Variants in FTO observed in about 807,000 individuals in gnomAD.
FTO encodes the protein alpha-ketoglutarate-dependent dioxygenase FTO.
A neutral mutation model predicts 63.9 loss-of-function variants in FTO; 47 were observed. That is an observed-to-expected ratio of 0.74 (90% CI 0.58 to 0.94). The LOEUF (loss-of-function observed/expected upper bound fraction) is 0.94. Ranked by LOEUF, FTO falls within the 40% of genes least tolerant of loss-of-function variation. The probability of loss-of-function intolerance (pLI) is 0.00; values close to 1 mark genes in which losing one functional copy is unlikely to be tolerated. For synonymous variants in FTO, 207 were observed against 224.4 expected (o/e 0.92, Z 0.69); for missense variants, 562 against 618.1 (o/e 0.91, Z 0.96).
At chr16:53,926,134 C>A (rs1021177609) in intron 7 of FTO, among the ~76,000 whole-genome samples, 2 of 152,180 alleles carry the variant, frequency 1.3e-5, no homozygotes, top group African/African-American at 4.8e-5. Flanking sequence ...CTATACATAA[C>A]CTCATATTAG....
intron 8 of FTO, among the ~76,000 whole-genome samples, chr16:54,073,154 C>T (rs189311726): frequency 1.3e-5 from 2 of 152,078 alleles, no homozygotes; most frequent in African/African-American, 2.4e-5. Context: ...TGTCCTGTTG[C>T]GTCCCTATTC....
At chr16:53,796,652 G>T (rs1004470167) in intron 1 of FTO, among the ~76,000 whole-genome samples, 1 of 152,122 alleles carries the variant, frequency 6.6e-6, no homozygotes, top group Admixed American at 6.5e-5. Flanking sequence ...GCTTCAAGAA[G>T]TAGAAAATCT....
At chr16:54,040,282 G>C (rs775965412) in intron 8 of FTO, 5 of 152,096 alleles carry the variant, frequency 3.3e-5, no homozygotes, top group Admixed American at 6.5e-5. Flanking sequence ...AGGTTTATCA[G>C]TGGCTTTGAA....
At chr16:53,793,576 A>G (rs2077983556) in intron 1 of FTO, among the ~76,000 whole-genome samples, 1 of 152,222 alleles carries the variant, frequency 6.6e-6, no homozygotes, top group Non-Finnish European at 1.5e-5. Flanking sequence ...TAGGGAGTAC[A>G]TTTTAAAAGT....
At chr16:54,069,676 TG>T (rs1424170848) in intron 8 of FTO, among the ~76,000 whole-genome samples, 1 of 152,180 alleles carries the variant, frequency 6.6e-6, no homozygotes. Flanking sequence ...AAAGATTAGT[TG>T]GATTGGAGCT....
intron 8 of FTO, among the ~76,000 whole-genome samples, chr16:53,953,046 C>T (rs1227642402): frequency 6.6e-6 from 1 of 152,152 alleles, no homozygotes; most frequent in Admixed American, 6.6e-5. Context: ...TTCCAAGTCA[C>T]CCTCCCCACG....
At chr16:53,736,047 A>C (rs2076383950) in intron 1 of FTO, among the ~76,000 whole-genome samples, 1 of 152,200 alleles carries the variant, frequency 6.6e-6, no homozygotes, top group African/African-American at 2.4e-5. Context: ...TTTTTAATAC[A>C]TGTTAACCAT....
chr16:54,035,231 C>G (rs1477611913), intron 8 of FTO, among the ~76,000 whole-genome samples: 1 of 152,214 alleles, frequency 6.6e-6, no homozygotes, highest in African/African-American at 2.4e-5. Flanking sequence ...ACTAAAGCAT[C>G]AAGAAAACAG....
At chr16:53,724,835 G>C (rs58722358) in intron 1 of FTO, among the ~76,000 whole-genome samples, 10,143 of 152,164 alleles carry the variant, frequency 0.067, 1,094 homozygotes, top group African/African-American at 0.23. Context: ...TCTGAATCTG[G>C]GATTGAGAAC....
At chr16:53,705,675 A>G (rs58340747) in intron 1 of FTO, among the ~76,000 whole-genome samples, 8,803 of 152,288 alleles carry the variant, frequency 0.058, 467 homozygotes, top group East Asian at 0.31. Flanking sequence ...GAGTCTGCAT[A>G]TGATGTGGAT....
At chr16:53,878,902 C>A (rs1461773839) in intron 5 of FTO, among the ~76,000 whole-genome samples, 1 of 152,204 alleles carries the variant, frequency 6.6e-6, no homozygotes, top group Non-Finnish European at 1.5e-5. Context: ...GCCAAATATT[C>A]TCCATTATTT....
In FTO at chr16:53,810,160, G is replaced by A; in HGVS notation, c.66G>A (p.Glu22=). Residue 22 remains glutamate, a synonymous_variant, in exon 2 of 9, where the codon GAG becomes GAA. Coordinates refer to ENST00000471389, the MANE Select transcript of FTO (RefSeq NM_001080432.3). ...AACAGAAACTGAGGCTTCTTGAAGA[G>A]CTTGAAGACACTTGGCTCCCTTATC... ...REAKKLRLLE[E]LEDTWLPYLT... 1 of 1,610,700 alleles carries A rather than the reference G, an allele frequency of 6.2e-7. No homozygotes were observed. The highest frequency in any genetic ancestry group is 8.5e-7 in the Non-Finnish European group (1 of 1,177,506).
chr16:53,827,072 C>T (rs1190769250), intron 3 of FTO, among the ~76,000 whole-genome samples: 1 of 152,158 alleles, frequency 6.6e-6, no homozygotes, highest in East Asian at 1.9e-4. Flanking sequence ...TGTAAGCAGA[C>T]AGTCCTCTAT....
intron 2 of FTO, among the ~76,000 whole-genome samples, chr16:53,820,495 A>G (rs1257355890): frequency 2.0e-5 from 3 of 150,302 alleles, no homozygotes; most frequent in Non-Finnish European, 3.0e-5. Context: ...TTTTTTTATT[A>G]TACTTTAAGT....
intron 2 of FTO, among the ~76,000 whole-genome samples, chr16:53,823,960 A>G (rs866999281): frequency 6.6e-6 from 1 of 152,192 alleles, no homozygotes; most frequent in Non-Finnish European, 1.5e-5. Flanking sequence ...CACATCCTTT[A>G]GTTCTACCTA....
chr16:54,093,917 A>G (rs1034188282), intron 8 of FTO, among the ~76,000 whole-genome samples: 1 of 152,122 alleles, frequency 6.6e-6, no homozygotes, highest in African/African-American at 2.4e-5. Context: ...AGACTGTCCC[A>G]TGCTTGAGCA....
At chr16:53,952,240 G>A (rs551666915) in intron 8 of FTO, among the ~76,000 whole-genome samples, 1 of 152,254 alleles carries the variant, frequency 6.6e-6, no homozygotes, top group East Asian at 1.9e-4. Context: ...TTTGAGCCCA[G>A]GCAGTCAGCT....
intron 7 of FTO, among the ~76,000 whole-genome samples, chr16:53,921,331 G>A (rs1270563314): frequency 6.6e-6 from 1 of 152,140 alleles, no homozygotes; most frequent in African/African-American, 2.4e-5. Context: ...TGATGTTTAG[G>A]GGAAGGAGAG....
chr16:53,831,409 C>CA (rs2079140457), intron 3 of FTO, among the ~76,000 whole-genome samples: 1 of 151,754 alleles, frequency 6.6e-6, no homozygotes, highest in Admixed American at 6.6e-5. Context: ...ATTCATCTAA[C>CA]AATAAGGTCT....
Sources: allele counts gnomAD v4.1 joint callset (sites outside exome capture counted in the v4.1 genomes callset), GRCh38; gene constraint gnomAD v4.1.1; transcripts MANE v1.5; gene names NCBI Gene and HGNC (gene_info 2026-07-23, HGNC 2026-07-21).